Variants in RALA observed in about 807,000 individuals in gnomAD.
RALA encodes ras-related protein Ral-A.
RALA carries 5 observed loss-of-function variants against 24.0 expected under a neutral mutation model. The ratio of observed to expected loss-of-function variants is 0.21; its 90% CI spans 0.11 to 0.44. The LOEUF is 0.44. Ranked by LOEUF, RALA falls within the 20% of genes least tolerant of loss-of-function variation. The pLI, the probability that RALA is intolerant of heterozygous loss-of-function variation, is 0.99. For missense variants in RALA, 95 were observed against 241.2 expected (o/e 0.39, Z 4.01); for synonymous variants, 77 against 83.8 (o/e 0.92, Z 0.44).
At chr7:39,624,837 C>A (rs185443615) in intron 1 of RALA, among the ~76,000 whole-genome samples, 2 of 152,176 alleles carry the variant, frequency 1.3e-5, no homozygotes, top group Non-Finnish European at 2.9e-5. Context: ...CAACTTTAAT[C>A]ATATTCCAGA....
chr7:39,643,446 C>T (rs1355992485), intron 1 of RALA, among the ~76,000 whole-genome samples: 4 of 152,198 alleles, frequency 2.6e-5, no homozygotes, highest in African/African-American at 4.8e-5. Context: ...AACGGCCAGG[C>T]GCAGTGGCTC....
chr7:39,700,647 G>A (rs1793011149), intron 4 of RALA: 1 of 152,252 alleles, frequency 6.6e-6, no homozygotes, highest in Non-Finnish European at 1.5e-5. Flanking sequence ...TGAGAAGGAA[G>A]GGGAATAGAC....
chr7:39,689,861 A>G (rs769951637), intron 2 of RALA, among the ~76,000 whole-genome samples: 15 of 152,246 alleles, frequency 9.9e-5, no homozygotes, highest in Non-Finnish European at 1.9e-4. Context: ...GTTGAATTGT[A>G]CTATTTAAAA....
At chr7:39,639,909 G>GT (rs149025528) in intron 1 of RALA, among the ~76,000 whole-genome samples, 2,101 of 151,804 alleles carry the variant, frequency 0.014, 21 homozygotes, top group Non-Finnish European at 0.022. Context: ...TGCAATATGG[G>GT]TTTTTTTTCC....
chr7:39,664,825 GA>G (rs1345068568), intron 1 of RALA, among the ~76,000 whole-genome samples: 1 of 152,004 alleles, frequency 6.6e-6, no homozygotes, highest in Non-Finnish European at 1.5e-5. Context: ...AAAATAGTGG[GA>G]GGGGGAACAA....
chr7:39,647,265 A>T (rs574450458), intron 1 of RALA, among the ~76,000 whole-genome samples: 13 of 152,132 alleles, frequency 8.5e-5, no homozygotes, highest in Middle Eastern at 3.4e-3. Flanking sequence ...CTGGTCTCGA[A>T]CTCCTGCGCT....
chr7:39,644,894 T>C (rs1280333145), intron 1 of RALA, among the ~76,000 whole-genome samples: 1 of 152,258 alleles, frequency 6.6e-6, no homozygotes, highest in Admixed American at 6.5e-5. Flanking sequence ...TCTATGCCTT[T>C]AGTGAAATTT....
rs947316267 is a variant in RALA at position 39,707,420 on chromosome 7, G to A, written c.*1175G>A. ...CTTTTCTGTTTCTGTTTATAATGAA[G>A]AACACTGTAGCTACATTTTCAGAAG... On this transcript the variant is annotated 3_prime_UTR_variant, in exon 5 of 5. Coordinates refer to ENST00000005257, the MANE Select transcript of RALA (RefSeq NM_005402.4). 6.6e-6 allele frequency: 1 copy of A among 152,146 alleles called. No individual in the cohort carries two copies. Among genetic ancestry groups the A allele is most frequent in the Non-Finnish European group, 1.5e-5 (1 of 68,040 alleles). 9.4% of individuals were successfully genotyped at this position (152,146 alleles called of 1,614,324 possible).
At chr7:39,659,553 C>T (rs555413743) in intron 1 of RALA, among the ~76,000 whole-genome samples, 1 of 152,294 alleles carries the variant, frequency 6.6e-6, no homozygotes, top group Admixed American at 6.5e-5. Flanking sequence ...ACTCACAATG[C>T]AGCTTACCCT....
rs1792100866 is a variant in RALA at position 39,656,586 on chromosome 7, G to T, written c.-37-30045G>T. Among the ~76,000 whole-genome samples, 3 of 152,222 alleles carry T rather than the reference G, an allele frequency of 2.0e-5. No individual in the cohort carries two copies. The South Asian group carries it at 6.2e-4, about 32-fold the overall frequency. On this transcript the variant is annotated intron_variant, in intron 1 of 4. Transcript: ENST00000005257. The stretch of plus-strand genomic sequence containing the variant: ...GTTTCTTTGTCTTCATACAGCACCT[G>T]TTACTGTGCAACAAGACCGTGTTTT...
chr7:39,692,565 CT>C (rs1259496499), intron 3 of RALA, among the ~76,000 whole-genome samples: 1 of 152,134 alleles, frequency 6.6e-6, no homozygotes, highest in Non-Finnish European at 1.5e-5. Context: ...CGTAGAATTA[CT>C]TTTCTCTGAC....
chr7:39,679,248 A>G (rs924750100), intron 1 of RALA, among the ~76,000 whole-genome samples: 1 of 152,120 alleles, frequency 6.6e-6, no homozygotes, highest in Non-Finnish European at 1.5e-5. Flanking sequence ...TTTTCTGTAA[A>G]GGGCCGACAG....
intron 1 of RALA, among the ~76,000 whole-genome samples, chr7:39,636,734 A>G (rs757603441): frequency 6.6e-6 from 1 of 152,220 alleles, no homozygotes; most frequent in South Asian, 2.1e-4. Context: ...ATTGACTCAG[A>G]GTTCTGCAAA....
intron 1 of RALA, among the ~76,000 whole-genome samples, chr7:39,651,695 G>A (rs1332739896): frequency 6.6e-6 from 1 of 151,938 alleles, no homozygotes; most frequent in African/African-American, 2.4e-5. Flanking sequence ...ATTACTCTTA[G>A]TGAAATTTTA....
chr7:39,645,448 TAAATG>T (rs1193120127), intron 1 of RALA, among the ~76,000 whole-genome samples: 6 of 152,210 alleles, frequency 3.9e-5, no homozygotes, highest in Non-Finnish European at 7.4e-5. Context: ...TATGGCCTCA[TAAATG>T]AAATGAGAGA....
intron 1 of RALA, among the ~76,000 whole-genome samples, chr7:39,637,381 T>G (rs1791701818): frequency 6.6e-6 from 1 of 152,228 alleles, no homozygotes; most frequent in East Asian, 1.9e-4. Context: ...TCTTCCACAT[T>G]TATTAACCTT....
chr7:39,677,326 T>C (rs2116041032), intron 1 of RALA, among the ~76,000 whole-genome samples: 1 of 151,196 alleles, frequency 6.6e-6, no homozygotes, highest in South Asian at 2.1e-4. Flanking sequence ...GTTCTTGCGA[T>C]AGTTTACTGA....
At chr7:39,688,502 T>C (rs1201964970) in intron 2 of RALA, among the ~76,000 whole-genome samples, 1 of 152,144 alleles carries the variant, frequency 6.6e-6, no homozygotes, top group Admixed American at 6.6e-5. Flanking sequence ...TAAGAGCTAA[T>C]CTTCTCTCAG....
At chr7:39,648,482 C>T (rs190602553) in intron 1 of RALA, among the ~76,000 whole-genome samples, 1 of 151,498 alleles carries the variant, frequency 6.6e-6, no homozygotes, top group Non-Finnish European at 1.5e-5. Flanking sequence ...CCTCATGTGT[C>T]AGGCACTATC....
Sources: allele counts gnomAD v4.1 joint callset (sites outside exome capture counted in the v4.1 genomes callset), GRCh38; gene constraint gnomAD v4.1.1; transcripts MANE v1.5; gene names NCBI Gene and HGNC (gene_info 2026-07-23, HGNC 2026-07-21).